The following COL19A1 variants were observed in gnomAD, a reference collection of about 807,000 sequenced individuals.
COL19A1 encodes the protein collagen type XIX alpha 1 chain, also known as collagen alpha-1(XIX) chain.
COL19A1 carries 159 observed loss-of-function variants against 190.2 expected under a neutral mutation model. That is an observed-to-expected ratio of 0.84 (90% CI 0.73 to 0.95). The LOEUF is 0.95. Ranked by LOEUF, COL19A1 falls within the 40% of genes least tolerant of loss-of-function variation. COL19A1 has a pLI of 0.00. For missense variants in COL19A1, 1,418 were observed against 1,431.9 expected, an observed-to-expected ratio of 0.99 and a Z score of 0.16; for synonymous variants, 509 against 458.9, an observed-to-expected ratio of 1.11 and a Z score of -1.39.
chr6:69,949,800 T>C (rs2150033615), intron 9 of COL19A1, among the ~76,000 whole-genome samples: 1 of 152,018 alleles, frequency 6.6e-6, no homozygotes, highest in East Asian at 1.9e-4. Context: ...TGTTTTGCTT[T>C]GCTTTACATA....
chr6:69,942,732 T>TTGTGTGTG (rs1289844940), intron 9 of COL19A1, among the ~76,000 whole-genome samples: 5 of 123,368 alleles, frequency 4.1e-5, no homozygotes, highest in East Asian at 2.3e-4. Context: ...TGTCATTCCA[T>TTGTGTGTG]TGTGTGTATG....
At position 70,173,187 on chromosome 6, in the gene COL19A1, C is replaced by T. The variant is rs553840156; in HGVS notation, c.2622+1170C>T. Reference sequence around the variant, plus strand: ...TACGTGAGACCAAATTTGGAGATATCTGTTAGACAGCAAAGTGAAGGTATT... The same window carrying T: ...TACGTGAGACCAAATTTGGAGATATTTGTTAGACAGCAAAGTGAAGGTATT... On this transcript the variant is annotated intron_variant, in intron 41 of 50. Coordinates refer to ENST00000620364, the MANE Select transcript of COL19A1 (RefSeq NM_001858.6). 7.7e-4 allele frequency among the ~76,000 whole-genome samples: 117 copies of T among 152,238 alleles called. 1 individual carries two copies. The highest frequency in any genetic ancestry group is 2.4e-3 in the African/African-American group (100 of 41,546).
chr6:70,148,655 G>T (rs1369731892), intron 27 of COL19A1, among the ~76,000 whole-genome samples: 1 of 152,134 alleles, frequency 6.6e-6, no homozygotes, highest in Non-Finnish European at 1.5e-5. Context: ...GGCTGGGCCT[G>T]GTGGCTCACA....
At chr6:69,902,379 G>A (rs559772973) in intron 4 of COL19A1, among the ~76,000 whole-genome samples, 3 of 152,254 alleles carry the variant, frequency 2.0e-5, no homozygotes, top group Admixed American at 6.5e-5. Context: ...GGTGAGGTTC[G>A]TGAGAGGAGA....
chr6:69,913,768 G>T (rs767087156), intron 4 of COL19A1, among the ~76,000 whole-genome samples: 3 of 152,030 alleles, frequency 2.0e-5, no homozygotes, highest in African/African-American at 4.8e-5. Context: ...AAAAGTGGAG[G>T]TGTAGTAGCA....
At chr6:70,085,954 C>T (rs1782562983) in intron 15 of COL19A1, among the ~76,000 whole-genome samples, 1 of 152,010 alleles carries the variant, frequency 6.6e-6, no homozygotes, top group Non-Finnish European at 1.5e-5. Context: ...CAACACTCAC[C>T]ATATATTAAT....
intron 34 of COL19A1, among the ~76,000 whole-genome samples, chr6:70,159,356 A>G (rs1482638863): frequency 1.3e-5 from 2 of 152,002 alleles, no homozygotes; most frequent in Non-Finnish European, 2.9e-5. Context: ...AATAAAAAGA[A>G]TGAGTACCAC....
chr6:69,892,812 T>C (rs1041783999), intron 2 of COL19A1, among the ~76,000 whole-genome samples: 1 of 152,230 alleles, frequency 6.6e-6, no homozygotes, highest in African/African-American at 2.4e-5. Flanking sequence ...AAGTTGAGAT[T>C]GACTCCTTAA....
At chr6:70,184,823 G>A (rs745323030) in intron 45 of COL19A1, 48 bp from the exon 46 acceptor site, 2 of 1,609,314 alleles carry the variant, frequency 1.2e-6, no homozygotes, top group African/African-American at 2.7e-5. Flanking sequence ...TCAGACTGAT[G>A]AAAAATCTTG....
chr6:70,141,434 C>T (rs924246552), intron 20 of COL19A1, among the ~76,000 whole-genome samples: 4 of 151,956 alleles, frequency 2.6e-5, no homozygotes, highest in Non-Finnish European at 5.9e-5. Flanking sequence ...TTTTGTATAA[C>T]CTTAATTTTG....
chr6:70,187,113 C>T (rs928751576), intron 46 of COL19A1, among the ~76,000 whole-genome samples: 1 of 152,158 alleles, frequency 6.6e-6, no homozygotes, highest in Non-Finnish European at 1.5e-5. Context: ...CTCCTGACCT[C>T]AGGTGATCTG....
chr6:70,191,048 T>C (rs1194091941), intron 48 of COL19A1, among the ~76,000 whole-genome samples: 1 of 152,206 alleles, frequency 6.6e-6, no homozygotes. Flanking sequence ...CTGGCTGTTA[T>C]CCCACTACAG....
intron 14 of COL19A1, among the ~76,000 whole-genome samples, chr6:70,038,414 G>A (rs1214061462): frequency 2.0e-5 from 3 of 152,164 alleles, no homozygotes; most frequent in African/African-American, 7.2e-5. Context: ...AATGGAAAAA[G>A]CTTTCTTCCT....
Position 69,956,532 on chromosome 6 carries a change from G to A in COL19A1, c.937-3464G>A, listed in dbSNP as rs551374548. ...TAGGTTTTTAAAAATTTCCTGAAAC[G>A]TTTAATGGACTGCCAACAGTTTAAG... On this transcript the variant is annotated intron_variant, in intron 9 of 50. Transcript: ENST00000620364. Among the ~76,000 whole-genome samples, 22 of 152,026 alleles carry A rather than the reference G, an allele frequency of 1.4e-4. 1 individual carries two copies. Among genetic ancestry groups the A allele is most frequent in the Admixed American group, 7.9e-4 (12 of 15,258 alleles).
At chr6:69,982,079 G>A (rs1274781053) in intron 11 of COL19A1, among the ~76,000 whole-genome samples, 3 of 152,046 alleles carry the variant, frequency 2.0e-5, no homozygotes, top group Non-Finnish European at 2.9e-5. Flanking sequence ...GGATCATGGT[G>A]GAAGCAGCAG....
chr6:69,874,389 G>C (rs894598927), intron 1 of COL19A1, among the ~76,000 whole-genome samples: 1 of 152,200 alleles, frequency 6.6e-6, no homozygotes, highest in Admixed American at 6.5e-5. Flanking sequence ...GTTCCTAGCT[G>C]AATGGGCTAC....
chr6:70,035,306 T>C (rs995624010), intron 13 of COL19A1, among the ~76,000 whole-genome samples: 1 of 152,204 alleles, frequency 6.6e-6, no homozygotes, highest in Admixed American at 6.5e-5. Flanking sequence ...TTTTTAAAGA[T>C]GTTGAATAGT....
At chr6:69,980,830 C>T (rs1775993976) in intron 11 of COL19A1, among the ~76,000 whole-genome samples, 1 of 152,188 alleles carries the variant, frequency 6.6e-6, no homozygotes, top group Non-Finnish European at 1.5e-5. Flanking sequence ...GCTTTACAGC[C>T]ATTAGCCTGC....
At chr6:69,912,572 A>T (rs1247019763) in intron 4 of COL19A1, among the ~76,000 whole-genome samples, 2 of 152,120 alleles carry the variant, frequency 1.3e-5, no homozygotes, top group Admixed American at 6.6e-5. Context: ...ACCTCTGCTC[A>T]TGGCTGCTCA....
Sources: gnomAD v4.1 joint callset for allele counts (sites outside exome capture counted in the v4.1 genomes callset) on GRCh38, gnomAD v4.1.1 for gene constraint, MANE v1.5 for transcripts, NCBI Gene and HGNC (gene_info 2026-07-23, HGNC 2026-07-21) for gene names.